SNRPD1: variants seen among roughly 807,000 people sequenced by gnomAD.
The protein encoded by SNRPD1 is small nuclear ribonucleoprotein Sm D1.
A neutral mutation model predicts 14.4 loss-of-function variants in SNRPD1; 1 was observed. The observed-to-expected ratio is 0.07, with a 90% CI of 0.02 to 0.33. The LOEUF (loss-of-function observed/expected upper bound fraction) is 0.33. SNRPD1 is among the 10% of genes least tolerant of loss of function. SNRPD1 has a pLI of 1.00. For synonymous variants in SNRPD1, 42 were observed against 50.3 expected, an observed-to-expected ratio of 0.83 and a Z score of 0.70; for missense variants, 52 against 146.4, an observed-to-expected ratio of 0.36 and a Z score of 3.33.
rs2039095566 is a variant in SNRPD1, at chr18:21,632,880, T to G, written c.*3742T>G. On this transcript the variant is annotated 3_prime_UTR_variant, in exon 4 of 4. Transcript: ENST00000300413. ...CTTTTTTTTTTTTTGAGACAGAGTC[T>G]AGCTCTGTCACCCAGGCTGGAGTGC... is the stretch of plus-strand genomic sequence containing the variant. 1 of 152,034 alleles carries G rather than the reference T, an allele frequency of 6.6e-6. No individual in the cohort carries two copies. Among genetic ancestry groups the G allele is most frequent in the Non-Finnish European group, 1.5e-5 (1 of 68,700 alleles). The allele number at this position is 152,034 out of a possible 1,614,324, so 9.4% of individuals were successfully genotyped here. A position where few individuals can be genotyped will look rare whatever the true frequency, so the allele number is the denominator to read the frequency against.
At chr18:21,624,315 G>A (rs2039019363) in intron 3 of SNRPD1, among the ~76,000 whole-genome samples, 2 of 150,274 alleles carry the variant, frequency 1.3e-5, no homozygotes, top group African/African-American at 4.9e-5. Context: ...GTAGGCGGAG[G>A]TTGCAGTGAG....
chr18:21,628,158 T>C (rs1039918085), intron 3 of SNRPD1, among the ~76,000 whole-genome samples: 1 of 152,126 alleles, frequency 6.6e-6, no homozygotes, highest in Non-Finnish European at 1.5e-5. Flanking sequence ...GGCTGGAGGA[T>C]TGCTTTGGCC....
At chr18:21,616,762 T>C (rs1348137040) in intron 1 of SNRPD1, among the ~76,000 whole-genome samples, 7 of 151,326 alleles carry the variant, frequency 4.6e-5, no homozygotes, top group African/African-American at 1.2e-4. Context: ...CTCGGCTCAC[T>C]GCGACCTCCA....
chr18:21,617,642 G>A (rs1439261100), intron 1 of SNRPD1, among the ~76,000 whole-genome samples: 1 of 152,148 alleles, frequency 6.6e-6, no homozygotes, highest in Non-Finnish European at 1.5e-5. Context: ...CTTTAACAGA[G>A]CTTAGGCTTT....
intron 3 of SNRPD1, among the ~76,000 whole-genome samples, chr18:21,625,905 G>T (rs2039035218): frequency 6.6e-6 from 1 of 152,108 alleles, no homozygotes; most frequent in Non-Finnish European, 1.5e-5. Flanking sequence ...CACGGTGCCT[G>T]GCCCAAAATC....
chr18:21,616,692 T>C (rs1379754015), intron 1 of SNRPD1, among the ~76,000 whole-genome samples: 1 of 146,470 alleles, frequency 6.8e-6, no homozygotes, highest in Non-Finnish European at 1.5e-5. Context: ...TTTAAGTCTT[T>C]TTTTTTTTTT....
At chr18:21,616,007 G>A (rs1204536997) in intron 1 of SNRPD1, among the ~76,000 whole-genome samples, 1 of 151,878 alleles carries the variant, frequency 6.6e-6, no homozygotes, top group Non-Finnish European at 1.5e-5. Context: ...TGTTTTTGAG[G>A]CGGAGTCTCA....
chr18:21,618,974 C>T (rs1306451091), intron 1 of SNRPD1, among the ~76,000 whole-genome samples: 1 of 152,048 alleles, frequency 6.6e-6, no homozygotes, highest in Non-Finnish European at 1.5e-5. Flanking sequence ...CTTATGTGTA[C>T]CATTTAGTGT....
At chr18:21,615,574 C>T (rs969019350) in intron 1 of SNRPD1, among the ~76,000 whole-genome samples, 10 of 151,438 alleles carry the variant, frequency 6.6e-5, no homozygotes, top group African/African-American at 9.7e-5. Flanking sequence ...GCTGAGATCA[C>T]GCCATTGCAC....
intron 3 of SNRPD1, among the ~76,000 whole-genome samples, chr18:21,628,350 CTACAGAG>C (rs1424656110): frequency 6.6e-6 from 1 of 152,128 alleles, no homozygotes; most frequent in African/African-American, 2.4e-5. Flanking sequence ...CCAGATGGGA[CTACAGAG>C]TGAGACCCTG....
rs1298122861 is a variant in SNRPD1, at chr18:21,612,402, G to A, written c.-28G>A. 6.5e-7 allele frequency: 1 copy of A among 1,543,832 alleles called. No individual in the cohort carries two copies. Among genetic ancestry groups the A allele is most frequent in the Non-Finnish European group, 8.8e-7 (1 of 1,135,954 alleles). ...CGGTTGAAGGATTCTGTGTGCTGTC[G>A]GACCCAGAGGGTGACGGCGCCGCTA... On this transcript the variant is annotated 5_prime_UTR_variant, in exon 1 of 4. Transcript: ENST00000300413.
intron 1 of SNRPD1, among the ~76,000 whole-genome samples, chr18:21,618,158 C>A (rs963779024): frequency 1.3e-5 from 2 of 152,032 alleles, no homozygotes; most frequent in African/African-American, 4.8e-5. Context: ...TGCAGTGGCT[C>A]ACGCTTGTAA....
intron 3 of SNRPD1, among the ~76,000 whole-genome samples, chr18:21,626,239 C>T (rs1006779730): frequency 6.6e-6 from 1 of 151,584 alleles, no homozygotes; most frequent in Non-Finnish European, 1.5e-5. Context: ...ACTAAAAATA[C>T]AAAAATTAAC....
At chr18:21,619,709 G>C (rs2038983400) in intron 1 of SNRPD1, among the ~76,000 whole-genome samples, 1 of 151,552 alleles carries the variant, frequency 6.6e-6, no homozygotes, top group Non-Finnish European at 1.5e-5. Flanking sequence ...GAACCCAAGA[G>C]GTGGAGGTTG....
Position 21,631,968 on chromosome 18 carries a change from C to G in SNRPD1, c.*2830C>G, listed in dbSNP as rs1598496309. 6.6e-6 allele frequency: 1 copy of G among 152,058 alleles called. No individual in the cohort carries two copies. Among genetic ancestry groups the G allele is most frequent in the Non-Finnish European group, 1.5e-5 (1 of 68,034 alleles). 9.4% of individuals were successfully genotyped at this position (152,058 alleles called of 1,614,324 possible). On this transcript the variant is annotated 3_prime_UTR_variant, in exon 4 of 4. Transcript: ENST00000300413. ...GGAGCTTATAGACAGAAGCAGATAA[C>G]AAATAAAAATTGGAGCTTAGTGCCG...
chr18:21,622,103 A>G (rs1005731912), intron 1 of SNRPD1, among the ~76,000 whole-genome samples: 1 of 152,100 alleles, frequency 6.6e-6, no homozygotes, highest in Non-Finnish European at 1.5e-5. Context: ...TAGGCATTAT[A>G]ATAAGCTTGT....
At chr18:21,618,429 C>T (rs574771337) in intron 1 of SNRPD1, among the ~76,000 whole-genome samples, 3 of 150,426 alleles carry the variant, frequency 2.0e-5, no homozygotes, top group African/African-American at 4.9e-5. Context: ...TCTGAGCCAC[C>T]GCGCCTGGCC....
At chr18:21,620,294 T>A (rs554797059) in intron 1 of SNRPD1, among the ~76,000 whole-genome samples, 120 of 152,106 alleles carry the variant, frequency 7.9e-4, no homozygotes, top group Non-Finnish European at 1.4e-3. Flanking sequence ...AGAGACAGGA[T>A]CTTGCTTTGT....
chr18:21,622,316 T>C (rs1481527293), intron 1 of SNRPD1, among the ~76,000 whole-genome samples: 2 of 151,892 alleles, frequency 1.3e-5, no homozygotes, highest in African/African-American at 4.8e-5. Context: ...ATTTTTTGTA[T>C]TTTTTAGTAG....
Sources: allele counts gnomAD v4.1 joint callset (sites outside exome capture counted in the v4.1 genomes callset), GRCh38; gene constraint gnomAD v4.1.1; transcripts MANE v1.5; gene names NCBI Gene and HGNC (gene_info 2026-07-23, HGNC 2026-07-21).